The following SREBF2 variants were observed in gnomAD, a reference collection of about 807,000 sequenced individuals.
SREBF2 encodes the protein sterol regulatory element-binding protein 2.
A neutral mutation model predicts 113.1 loss-of-function variants in SREBF2; 55 were observed. The observed-to-expected ratio is 0.49, with a 90% CI of 0.39 to 0.61. The LOEUF (loss-of-function observed/expected upper bound fraction) is 0.61. SREBF2 is among the 20% of genes least tolerant of loss of function. The pLI is 0.00. For missense variants in SREBF2, 1,349 were observed against 1,487.4 expected (o/e 0.91, Z 1.53); for synonymous variants, 593 against 605.7 (o/e 0.98, Z 0.31).
chr22:41,838,313 A>G (rs1461702759), intron 1 of SREBF2, among the ~76,000 whole-genome samples: 1 of 152,236 alleles, frequency 6.6e-6, no homozygotes, highest in Admixed American at 6.5e-5. Flanking sequence ...GAAACAGTAG[A>G]AGATGAGGTC....
At chr22:41,864,255 TATATATACACACAC>T (rs1199020495) in intron 1 of SREBF2, among the ~76,000 whole-genome samples, 2 of 75,732 alleles carry the variant, frequency 2.6e-5, no homozygotes, top group African/African-American at 4.6e-5. Flanking sequence ...TATATATATA[TATATATACACACAC>T]ACACACACAC....
At position 41,877,245 on chromosome 22, in the gene SREBF2, A is replaced by C; in HGVS notation, c.1403A>C (p.Asp468Ala). ...GTTTTGAAGGTCAAAGATGAGCCAGACTCTCCTCCTGTGGCGCTGGGCATG... is the reference window on the plus strand; with the variant it reads ...GTTTTGAAGGTCAAAGATGAGCCAGCCTCTCCTCCTGTGGCGCTGGGCATG... ...LDDAKVKDEP[D>A]SPPVALGMVD... is the part of the protein sequence containing the mutation. The change falls in exon 8 of 19, where the codon GAC becomes GCC. Residue 468 changes from aspartate (D) to alanine (A), a missense_variant. Physicochemically the swap from Asp to Ala is moderately radical, Grantham distance 126. Around this residue, in one of 2 missense-constraint regions of SREBF2, gnomAD observed 699 missense variants for 843.3 expected, o/e 0.83. Transcript: ENST00000361204. 6.2e-7 allele frequency: 1 copy of C among 1,613,646 alleles called. No individual in the cohort carries two copies.
At chr22:41,849,686 T>A (rs1474224791) in intron 1 of SREBF2, among the ~76,000 whole-genome samples, 1 of 152,206 alleles carries the variant, frequency 6.6e-6, no homozygotes, top group Non-Finnish European at 1.5e-5. Flanking sequence ...TCAAGGCATA[T>A]GGTCTCATTT....
chr22:41,904,923 C>A lies in SREBF2; in HGVS notation c.3154C>A (p.Gln1052Lys). The A allele has an allele frequency of 6.2e-7, 1 of 1,606,294 alleles. No homozygotes were observed. The change falls in exon 18 of 19, where the codon CAG becomes AAG. Residue 1052 changes from glutamine to lysine, a missense_variant. By Grantham distance (53) the Gln-to-Lys change is moderately conservative (BLOSUM62 1). This residue lies in a region of SREBF2 where 650 missense variants were observed against 644.1 expected (regional missense o/e 1.01). Coordinates refer to ENST00000361204, the MANE Select transcript of SREBF2 (RefSeq NM_004599.4). ...AGGAGCCAGCCCCACCCGCACCCAC[C>A]AGCTGCTGGAACACAGCCTGCGGCG... is the stretch of plus-strand genomic sequence containing the variant. The part of the protein sequence containing the change: ...MAGASPTRTH[Q>K]LLEHSLRRRT...
At chr22:41,876,735 C>T (rs2077200834) in intron 7 of SREBF2, among the ~76,000 whole-genome samples, 1 of 152,088 alleles carries the variant, frequency 6.6e-6, no homozygotes, top group African/African-American at 2.4e-5. Flanking sequence ...AAGTACAGTA[C>T]CAAGAGTTTT....
intron 1 of SREBF2, among the ~76,000 whole-genome samples, chr22:41,854,324 G>A (rs2076958370): frequency 1.3e-5 from 2 of 151,152 alleles, no homozygotes; most frequent in Admixed American, 1.3e-4. Context: ...CCCACACTCA[G>A]ATAATTTTTA....
In SREBF2 at chr22:41,868,698, A is replaced by C. The variant is rs765847348; in HGVS notation, c.626A>C (p.Gln209Pro). The change falls in exon 3 of 19, where the codon CAG (glutamine) becomes CCG (proline). Residue 209 changes from glutamine to proline, a missense_variant. Physicochemically the swap from Gln to Pro is moderately conservative, Grantham distance 76. Around this residue, in one of 2 missense-constraint regions of SREBF2, gnomAD observed 699 missense variants for 843.3 expected, o/e 0.83. Coordinates refer to ENST00000361204, the MANE Select transcript of SREBF2 (RefSeq NM_004599.4). Reference sequence around the variant, plus strand: ...CAGCAGGTGCAGACAGTACAGGCCCAGCGGGTGCTGACACAAACGGCCAAT... The same window carrying C: ...CAGCAGGTGCAGACAGTACAGGCCCCGCGGGTGCTGACACAAACGGCCAAT... ...IQQQVQTVQA[Q>P]RVLTQTANGT... 3.7e-6 allele frequency: 6 copies of C among 1,614,228 alleles called. No individual in the cohort carries two copies. In the East Asian group the frequency reaches 1.3e-4, roughly 36 times the overall value.
intron 1 of SREBF2, among the ~76,000 whole-genome samples, chr22:41,838,688 G>A (rs1468873959): frequency 6.6e-6 from 1 of 152,182 alleles, no homozygotes; most frequent in Non-Finnish European, 1.5e-5. Flanking sequence ...AACCCAGATT[G>A]TGCCACTGTA....
chr22:41,853,996 C>T (rs1376718507), intron 1 of SREBF2, among the ~76,000 whole-genome samples: 1 of 148,444 alleles, frequency 6.7e-6, no homozygotes, highest in Non-Finnish European at 1.5e-5. Flanking sequence ...GATCACGCCA[C>T]TGCACTCCAT....
chr22:41,864,267 C>T (rs201217131), intron 1 of SREBF2, among the ~76,000 whole-genome samples: 10,067 of 99,412 alleles, frequency 0.1, 1,019 homozygotes, highest in Admixed American at 0.24. Context: ...TATATACACA[C>T]ACACACACAC....
At position 41,897,066 on chromosome 22, in the gene SREBF2, C is replaced by A; in HGVS notation, c.2510C>A (p.Ala837Asp). ...TTTCTTCCTAGTGAATTCTCCAGTG[C>A]TCTGGAGTACTTGAAATTACTTCAT... is the stretch of plus-strand genomic sequence containing the variant. The part of the protein sequence containing the change: ...QEEESCEFSS[A>D]LEYLKLLHSF... Residue 837 changes from alanine (A) to aspartate (D), a missense_variant, in exon 14 of 19, where the codon GCT becomes GAT. Around this residue, in one of 2 missense-constraint regions of SREBF2, gnomAD observed 650 missense variants for 644.1 expected, o/e 1.01. Transcript: ENST00000361204. 1 of 1,612,576 alleles carries A rather than the reference C, an allele frequency of 6.2e-7. No individual in the cohort carries two copies. Among genetic ancestry groups the A allele is most frequent in the Non-Finnish European group, 8.5e-7 (1 of 1,179,236 alleles).
intron 11 of SREBF2, among the ~76,000 whole-genome samples, chr22:41,889,190 A>G (rs776483290): frequency 8.5e-5 from 13 of 152,104 alleles, no homozygotes; most frequent in Non-Finnish European, 1.6e-4. Flanking sequence ...CAGTGGTGCA[A>G]TCACGGCACA....
intron 2 of SREBF2, among the ~76,000 whole-genome samples, chr22:41,868,122 C>CT (rs1219038117): frequency 6.6e-6 from 1 of 152,210 alleles, no homozygotes; most frequent in Non-Finnish European, 1.5e-5. Flanking sequence ...ATATTTCCCT[C>CT]TGACTCTGTG....
intron 9 of SREBF2, chr22:41,878,689 C>CA (rs746082603): frequency 4.7e-5 from 61 of 1,304,284 alleles, no homozygotes; most frequent in Non-Finnish European, 5.8e-5. Flanking sequence ...TGGGGCAACT[C>CA]ACAGCATTGA....
At chr22:41,854,411 C>G (rs558508132) in intron 1 of SREBF2, among the ~76,000 whole-genome samples, 1 of 151,650 alleles carries the variant, frequency 6.6e-6, no homozygotes, top group East Asian at 2.0e-4. Context: ...ATCCACCCGC[C>G]TCGGCCTCCC....
intron 5 of SREBF2, among the ~76,000 whole-genome samples, chr22:41,874,950 G>C (rs1242092149): frequency 6.6e-6 from 1 of 152,150 alleles, no homozygotes; most frequent in Non-Finnish European, 1.5e-5. Flanking sequence ...ACAATGCTGT[G>C]GTTGTTTTTT....
At chr22:41,892,045 T>C (rs2077368591) in intron 11 of SREBF2, among the ~76,000 whole-genome samples, 1 of 152,190 alleles carries the variant, frequency 6.6e-6, no homozygotes, top group Non-Finnish European at 1.5e-5. Flanking sequence ...TCCCCCTCTG[T>C]TCTTTCTCGC....
chr22:41,875,783 A>G, intron 7 of SREBF2, 59 bp downstream of exon 7: 1 of 1,594,074 alleles, frequency 6.3e-7, no homozygotes, highest in South Asian at 1.1e-5. Flanking sequence ...CTAAGAAGAT[A>G]GCTGGGAGGT....
Position 41,875,414 on chromosome 22 carries a change from G to C in SREBF2, c.1167G>C (p.Gln389His). The C allele has an allele frequency of 6.2e-7, 1 of 1,614,236 alleles. No individual in the cohort carries two copies. The highest frequency in any genetic ancestry group is 2.2e-5 in the East Asian group (1 of 44,890). ...AGCAGGTCAATCATAAACTGCGCCA[G>C]GAGAACATGGTGCTGAAGCTGGCAA... ...YLQQVNHKLR[Q>H]ENMVLKLANQ... Residue 389 changes from glutamine (Q) to histidine (H), a missense_variant, in exon 6 of 19, where the codon CAG becomes CAC. This residue lies in a region of SREBF2 where 699 missense variants were observed against 843.3 expected (regional missense o/e 0.83). Coordinates refer to ENST00000361204, the MANE Select transcript of SREBF2 (RefSeq NM_004599.4).
Sources: gnomAD v4.1 joint callset for allele counts (sites outside exome capture counted in the v4.1 genomes callset) on GRCh38, gnomAD v4.1.1 for gene constraint, gnomAD v4.1.1 regional missense constraint, MANE v1.5 for transcripts, NCBI Gene and HGNC (gene_info 2026-07-23, HGNC 2026-07-21) for gene names.